AATK: variants seen among roughly 807,000 people sequenced by gnomAD.
AATK encodes serine/threonine-protein kinase LMTK1.
AATK carries 91 observed loss-of-function variants against 114.3 expected under a neutral mutation model. That is an observed-to-expected ratio of 0.80 (90% CI 0.67 to 0.95). The LOEUF (loss-of-function observed/expected upper bound fraction) is 0.95, where lower values mean the gene tolerates loss of function less well. AATK is among the 40% of genes least tolerant of loss of function. The pLI is 0.00. For synonymous variants in AATK, 1,075 were observed against 916.5 expected, an observed-to-expected ratio of 1.17 and a Z score of -3.12; for missense variants, 2,176 against 1,965.2, an observed-to-expected ratio of 1.11 and a Z score of -2.03.
Position 81,122,709 on chromosome 17 carries a change from C to G in AATK, c.1227G>C (p.Glu409Asp), listed in dbSNP as rs547482492. The G allele has an allele frequency of 1.9e-6, 3 of 1,580,650 alleles. No individual in the cohort carries two copies. ...CAKGATEAEE[E>D]FERRWRSLRP... The stretch of plus-strand genomic sequence containing the variant: ...GCAGAGAGCGCCAGCGCCGTTCAAA[C>G]TCCTCCTCTGCTTCGGTGGCGCCCT... Residue 409 changes from glutamate (E) to aspartate (D), a missense_variant, in exon 11 of 14, where the codon GAG becomes GAC. Physicochemically the swap from Glu to Asp is conservative, Grantham distance 45 (BLOSUM62 2). Around this residue, in one of 4 missense-constraint regions of AATK, gnomAD observed 273 missense variants for 344.1 expected, o/e 0.79. Transcript: ENST00000326724.
chr17:81,144,914 G>A (rs7214320), intron 1 of AATK, among the ~76,000 whole-genome samples: 55 of 152,320 alleles, frequency 3.6e-4, no homozygotes, highest in African/African-American at 1.0e-3. Context: ...GCCTGGCCAC[G>A]CAGAGGATTC....
chr17:81,158,283 C>G (rs532254528), intron 1 of AATK, among the ~76,000 whole-genome samples: 1 of 152,242 alleles, frequency 6.6e-6, no homozygotes, highest in Non-Finnish European at 1.5e-5. Context: ...CCGTCCTCCC[C>G]GTCATTCATC....
intron 2 of AATK, chr17:81,132,936 GC>G (rs1219258330): frequency 1.1e-5 from 3 of 261,720 alleles, no homozygotes; most frequent in Admixed American, 1.0e-4. Flanking sequence ...TTCTTACAGT[GC>G]CCCAAGGAGG....
chr17:81,126,376 G>A lies in AATK; in HGVS notation c.755+51C>T. The A allele has an allele frequency of 6.6e-7, 1 of 1,521,860 alleles. No individual in the cohort carries two copies. Among genetic ancestry groups the A allele is most frequent in the Middle Eastern group, 2.2e-4 (1 of 4,540 alleles). The allele number at this position is 1,521,860 out of a possible 1,614,324, so 94.3% of individuals were successfully genotyped here. The stretch of plus-strand genomic sequence containing the variant: ...ACCCGCCCTATGCCCTTCCTTCAGG[G>A]GAGGGGCCTGGCCTAGGGCTTCCCG... On this transcript the variant is annotated intron_variant, in intron 7 of 13. Coordinates refer to ENST00000326724, the MANE Select transcript of AATK (RefSeq NM_001080395.3). This position sits in a 1 kb window ranked among gnomAD's most constrained non-coding sequence, Gnocchi z 5.1.
intron 2 of AATK, chr17:81,132,852 C>T (rs1042544117): frequency 1.1e-4 from 26 of 240,042 alleles, no homozygotes; most frequent in African/African-American, 3.5e-4. Context: ...TGGAATGTTC[C>T]GGGCACCATG....
chr17:81,118,613 A>AC (rs2060605522), intron 13 of AATK, among the ~76,000 whole-genome samples, 171 bp from the exon 14 acceptor site: 1 of 152,180 alleles, frequency 6.6e-6, no homozygotes, highest in Non-Finnish European at 1.5e-5. Flanking sequence ...CACTCCTGTC[A>AC]CTGGACTCAG....
At chr17:81,127,532 G>C (rs760716550) in intron 6 of AATK, 51 bp downstream of exon 6, 139 of 1,533,592 alleles carry the variant, frequency 9.1e-5, no homozygotes, top group Admixed American at 2.3e-4. Flanking sequence ...CAGGGCAAGG[G>C]AGGGCCCCGG....
intron 11 of AATK, 25 bp downstream of exon 11, chr17:81,120,176 C>CA: frequency 6.5e-7 from 1 of 1,545,548 alleles, no homozygotes; most frequent in South Asian, 1.2e-5. Flanking sequence ...CAGCCCCGGG[C>CA]AGACCCCGGG....
intron 1 of AATK, chr17:81,135,778 C>A (rs2061000268): frequency 6.6e-6 from 1 of 152,442 alleles, no homozygotes; most frequent in East Asian, 1.9e-4. Flanking sequence ...GTTCCCCACA[C>A]ACGAGGAAGA....
intron 13 of AATK, among the ~76,000 whole-genome samples, chr17:81,119,082 G>A (rs1024659307): frequency 2.0e-4 from 30 of 152,300 alleles, no homozygotes; most frequent in Admixed American, 1.2e-3. Context: ...AGGGCCTGCC[G>A]CAGGTCTGCG....
chr17:81,121,610 G>T lies in AATK; in HGVS notation c.2326C>A (p.Pro776Thr). ...TETASSGGDH[P>T]QAEPKLATEA... ...GTGGCAAGCTTGGGCTCTGCCTGCG[G>T]GTGGTCACCCCCACTACTGGCTGTC... Residue 776 changes from proline (P) to threonine (T), a missense_variant, in exon 11 of 14, where the codon CCG becomes ACG. This residue lies in a region of AATK where 1,701 missense variants were observed against 1,394.7 expected (regional missense o/e 1.22). Transcript: ENST00000326724. 1 of 1,496,494 alleles carries T rather than the reference G, an allele frequency of 6.7e-7. No homozygotes were observed. The highest frequency in any genetic ancestry group is 2.3e-5 in the East Asian group (1 of 42,782). The allele number at this position is 1,496,494 out of a possible 1,614,324, so 92.7% of individuals were successfully genotyped here.
chr17:81,119,901 C>T, intron 12 of AATK, 35 bp downstream of exon 12: 2 of 1,409,624 alleles, frequency 1.4e-6, no homozygotes, highest in Non-Finnish European at 1.8e-6. Context: ...CCCTGCCTCC[C>T]GTGACGTCAC....
chr17:81,119,692 C>A, intron 12 of AATK, 112 bp from the exon 13 acceptor site: 2 of 803,962 alleles, frequency 2.5e-6, no homozygotes, highest in Non-Finnish European at 3.3e-6. Flanking sequence ...CGGGCCCAGG[C>A]CCCGCCTCCC....
intron 9 of AATK, 32 bp from the exon 10 acceptor site, chr17:81,123,375 G>GCACAGCCTGC: frequency 7.5e-7 from 1 of 1,336,744 alleles, no homozygotes; most frequent in Non-Finnish European, 9.6e-7. Context: ...CCAGGGCTGG[G>GCACAGCCTGC]CACAGCCTGC....
In AATK at chr17:81,122,791, GGCTGCAGCCAGCAGAACT is replaced by G; in HGVS notation, c.1127_1144del (p.Gln376_Gln381del). The G allele has an allele frequency of 6.3e-7, 1 of 1,583,698 alleles. No individual in the cohort carries two copies. On this transcript the variant is annotated inframe_deletion, in exon 11 of 14. Coordinates refer to ENST00000326724, the MANE Select transcript of AATK (RefSeq NM_001080395.3). ...CTCCTCGGCTGTGGGCCGCTGCTCG[GGCTGCAGCCAGCAGAACT>G]GCATCACCTCGTACCTGCGAGGAGG...
intron 3 of AATK, 31 bp downstream of exon 3, chr17:81,131,030 A>T: frequency 6.5e-7 from 1 of 1,542,128 alleles, no homozygotes; most frequent in South Asian, 1.2e-5. Context: ...CCCCGGAGGG[A>T]GGCCACCCCA....
chr17:81,134,363 C>T lies in AATK; in HGVS notation c.189+5G>A, dbSNP rs1217107845. ...ACGACAGCTCCCGCGGCCCCCAGGCCTCACCTTGAACCCGATACCGCCCTT... is the reference window on the plus strand; with the variant it reads ...ACGACAGCTCCCGCGGCCCCCAGGCTTCACCTTGAACCCGATACCGCCCTT... On this transcript the variant is annotated splice_donor_5th_base_variant and intron_variant, in intron 2 of 13. Transcript: ENST00000326724. The T allele has an allele frequency of 8.1e-6, 13 of 1,612,854 alleles. No homozygotes were observed. Among genetic ancestry groups the T allele is most frequent in the Middle Eastern group, 3.3e-4 (2 of 6,076 alleles).
At chr17:81,156,437 C>T (rs955057410) in intron 1 of AATK, among the ~76,000 whole-genome samples, 3 of 152,166 alleles carry the variant, frequency 2.0e-5, no homozygotes, top group Non-Finnish European at 2.9e-5. Context: ...CTTGCTCTGT[C>T]GCCCAGGCTG....
intron 1 of AATK, among the ~76,000 whole-genome samples, chr17:81,143,588 G>C (rs1050881799): frequency 7.0e-6 from 1 of 143,068 alleles, no homozygotes; most frequent in African/African-American, 2.6e-5. Context: ...CCCGCCTCCC[G>C]TGGCCACACC....
Sources: allele counts gnomAD v4.1 joint callset (sites outside exome capture counted in the v4.1 genomes callset), GRCh38; gene constraint gnomAD v4.1.1; regional missense constraint gnomAD v4.1.1; non-coding constraint Gnocchi (gnomAD v3.1); transcripts MANE v1.5; gene names NCBI Gene and HGNC (gene_info 2026-07-23, HGNC 2026-07-21).